The following PRKCB variants were observed in gnomAD, a reference collection of about 807,000 sequenced individuals.
PRKCB encodes the protein protein kinase C beta type.
PRKCB carries 13 observed loss-of-function variants against 81.5 expected under a neutral mutation model. The ratio of observed to expected loss-of-function variants is 0.16; its 90% CI spans 0.10 to 0.25. The LOEUF is 0.25. Among genes scored for constraint, PRKCB ranks in the 10% least tolerant of loss-of-function variants. The pLI, the probability that PRKCB is intolerant of heterozygous loss-of-function variation, is 1.00. For missense variants in PRKCB, 509 were observed against 875.7 expected (o/e 0.58, Z 5.29); for synonymous variants, 335 against 321.4 (o/e 1.04, Z -0.45).
At chr16:24,081,530 C>T (rs959664949) in intron 5 of PRKCB, among the ~76,000 whole-genome samples, 1 of 152,116 alleles carries the variant, frequency 6.6e-6, no homozygotes, top group African/African-American at 2.4e-5. Context: ...CTCCCCAGTC[C>T]TATTCAACAT....
chr16:24,113,367 T>G (rs1024059357), intron 8 of PRKCB, among the ~76,000 whole-genome samples: 1 of 151,658 alleles, frequency 6.6e-6, no homozygotes, highest in Non-Finnish European at 1.5e-5. Flanking sequence ...CTTTGTTTTT[T>G]CCTTCCTTCC....
intron 7 of PRKCB, among the ~76,000 whole-genome samples, chr16:24,096,664 AAAATAT>A (rs1362816256): frequency 1.9e-4 from 16 of 85,394 alleles, no homozygotes; most frequent in African/African-American, 7.1e-4. Context: ...AAAAAAAAAA[AAAATAT>A]ATATATATAT....
chr16:24,160,886 T>A (rs1967243941), intron 10 of PRKCB, among the ~76,000 whole-genome samples: 1 of 151,336 alleles, frequency 6.6e-6, no homozygotes, highest in Non-Finnish European at 1.5e-5. Context: ...GCAGGAAGAG[T>A]GAGTGTGAAT....
In PRKCB at chr16:24,218,965, T is replaced by C. The variant is rs1968276427; in HGVS notation, c.*4149T>C. 34 of 985,312 alleles carry C rather than the reference T, an allele frequency of 3.5e-5. No individual in the cohort carries two copies. Among genetic ancestry groups the C allele is most frequent in the Non-Finnish European group, 4.1e-5 (34 of 830,000 alleles). The allele number at this position is 985,312 out of a possible 1,614,324, so 61.0% of individuals were successfully genotyped here. ...TTGGGCAAGCCACCCTGCCTGCTTG[T>C]GCCTCGGTTCTCTCATATGTCATAT... On this transcript the variant is annotated 3_prime_UTR_variant, in exon 17 of 17. Coordinates refer to ENST00000643927, the MANE Select transcript of PRKCB (RefSeq NM_002738.7).
chr16:24,205,307 A>G (rs1438376893), intron 16 of PRKCB, among the ~76,000 whole-genome samples: 1 of 151,708 alleles, frequency 6.6e-6, no homozygotes, highest in African/African-American at 2.4e-5. Context: ...ATGCACCACC[A>G]TGCCTGGCCA....
intron 2 of PRKCB, among the ~76,000 whole-genome samples, chr16:23,896,508 T>C (rs1476356713): frequency 2.0e-5 from 3 of 152,100 alleles, no homozygotes. Context: ...AAAGCAGATA[T>C]AAAGGAAACC....
At position 24,215,288 on chromosome 16, in the gene PRKCB, C is replaced by T. The variant is rs1282473447; in HGVS notation, c.*472C>T. The T allele has an allele frequency of 9.1e-6, 9 of 986,346 alleles. No individual in the cohort carries two copies. Among genetic ancestry groups the T allele is most frequent in the African/African-American group, 7.0e-5 (4 of 57,200 alleles). 61.1% of individuals were successfully genotyped at this position (986,346 alleles called of 1,614,324 possible). A position where few individuals can be genotyped will look rare whatever the true frequency, so the allele number is the denominator to read the frequency against. ...CTCTATTTCACCTGTTCTGGAGGCA[C>T]CAGACCTTGAAAAGAACATGCTCAA... On this transcript the variant is annotated 3_prime_UTR_variant, in exon 17 of 17. Transcript: ENST00000643927.
intron 9 of PRKCB, among the ~76,000 whole-genome samples, chr16:24,127,193 A>G (rs144369766): frequency 6.6e-6 from 1 of 151,206 alleles, no homozygotes; most frequent in Non-Finnish European, 1.5e-5. Context: ...TTTAGTAGAG[A>G]CGGGGTTTCT....
intron 2 of PRKCB, among the ~76,000 whole-genome samples, chr16:23,865,571 A>G (rs8058801): frequency 0.19 from 1,273 of 6,694 alleles, 454 homozygotes; most frequent in South Asian, 0.47. Context: ...GTGTGTGTGT[A>G]TATGTATATT....
chr16:24,142,451 G>A (rs1966914817), intron 9 of PRKCB, among the ~76,000 whole-genome samples: 3 of 152,178 alleles, frequency 2.0e-5, no homozygotes, highest in Admixed American at 2.0e-4. Context: ...AGAGCAGGTG[G>A]TTGGCGTTTG....
rs187717415 is a variant in PRKCB, at chr16:23,934,213, G to A, written c.206-54295G>A. ...AATTGATATTAGATAGCTATGGTGA[G>A]GAGTGAATGGGATTCTGCCTGGCCT... On this transcript the variant is annotated intron_variant, in intron 2 of 16. Transcript: ENST00000643927. 2.5e-4 allele frequency among the ~76,000 whole-genome samples: 33 copies of A among 131,920 alleles called. No individual in the cohort carries two copies. The East Asian group carries it at 6.6e-3, about 26-fold the overall frequency. The allele number at this position is 131,920 out of a possible 152,430, so 86.5% of individuals were successfully genotyped here. A position where few individuals can be genotyped will look rare whatever the true frequency, so the allele number is the denominator to read the frequency against.
intron 2 of PRKCB, among the ~76,000 whole-genome samples, chr16:23,915,014 G>A (rs886352798): frequency 3.3e-5 from 5 of 152,158 alleles, no homozygotes; most frequent in Non-Finnish European, 5.9e-5. Flanking sequence ...CCTCTGGGCA[G>A]CCTTTTCTGG....
chr16:24,213,201 A>G (rs1968173423), intron 16 of PRKCB, among the ~76,000 whole-genome samples: 2 of 151,784 alleles, frequency 1.3e-5, no homozygotes, highest in Admixed American at 1.3e-4. Context: ...CGCCTGGCTA[A>G]TTTTTATATT....
At chr16:23,870,959 G>A (rs1411065356) in intron 2 of PRKCB, among the ~76,000 whole-genome samples, 2 of 152,190 alleles carry the variant, frequency 1.3e-5, no homozygotes, top group African/African-American at 4.8e-5. Context: ...TGTGTTAGCT[G>A]GAGCAATAGG....
intron 5 of PRKCB, among the ~76,000 whole-genome samples, chr16:24,045,334 G>T (rs1021974394): frequency 6.6e-6 from 1 of 152,176 alleles, no homozygotes; most frequent in Admixed American, 6.5e-5. Context: ...TCCATCTTGT[G>T]TAGCATCTGC....
At chr16:23,855,795 G>A (rs1962556201) in intron 2 of PRKCB, among the ~76,000 whole-genome samples, 2 of 152,220 alleles carry the variant, frequency 1.3e-5, no homozygotes, top group African/African-American at 4.8e-5. Flanking sequence ...ACAAGCCAAT[G>A]CATCAAGTGG....
At chr16:24,022,424 T>A (rs1965416550) in intron 3 of PRKCB, among the ~76,000 whole-genome samples, 1 of 152,152 alleles carries the variant, frequency 6.6e-6, no homozygotes, top group Admixed American at 6.5e-5. Context: ...CAGAAATGAG[T>A]GTTCTGTGTT....
intron 2 of PRKCB, among the ~76,000 whole-genome samples, chr16:23,844,358 T>A (rs938261959): frequency 6.6e-6 from 1 of 152,158 alleles, no homozygotes; most frequent in Non-Finnish European, 1.5e-5. Context: ...TGCTTGAAAA[T>A]CCAGTAGGAA....
intron 10 of PRKCB, among the ~76,000 whole-genome samples, chr16:24,167,659 A>T (rs1967368934): frequency 6.6e-6 from 1 of 152,086 alleles, no homozygotes; most frequent in African/African-American, 2.4e-5. Context: ...CTTCTCTCCC[A>T]TCCTGGACTG....
Sources: gnomAD v4.1 joint callset for allele counts (sites outside exome capture counted in the v4.1 genomes callset) on GRCh38, gnomAD v4.1.1 for gene constraint, MANE v1.5 for transcripts, NCBI Gene and HGNC (gene_info 2026-07-23, HGNC 2026-07-21) for gene names.